Variants in BRCA1 observed in about 807,000 individuals in gnomAD.
BRCA1 encodes the protein BRCA1 DNA repair associated.
Under a neutral mutation model 173.7 loss-of-function variants are expected in BRCA1, and 140 were observed. The ratio of observed to expected loss-of-function variants is 0.81; its 90% confidence interval spans 0.70 to 0.93. BRCA1 has a LOEUF of 0.93. BRCA1 is among the 40% of genes least tolerant of loss of function. The pLI is 0.00. For synonymous variants in BRCA1, 662 were observed against 756.0 expected (o/e 0.88, Z 2.04); for missense variants, 1,983 against 2,172.5 (o/e 0.91, Z 1.73).
At chr17:43,073,135 C>G (rs2052530049) in intron 14 of BRCA1, among the ~76,000 whole-genome samples, 2 of 151,840 alleles carry the variant, frequency 1.3e-5, no homozygotes, top group South Asian at 4.2e-4. Context: ...AGTTAGAGAC[C>G]AGCCTCGGCA....
At chr17:43,170,002 C>G in intron 1 of BRCA1, 1 of 464,726 alleles carries the variant, frequency 2.2e-6, no homozygotes, top group South Asian at 1.6e-5. Flanking sequence ...TTGATCTTAT[C>G]CTCCGTAAAG....
At chr17:43,123,784 C>T (rs8176081) in intron 2 of BRCA1, among the ~76,000 whole-genome samples, 24 of 152,302 alleles carry the variant, frequency 1.6e-4, no homozygotes, top group South Asian at 8.3e-4. Context: ...CTGTCTTTCC[C>T]GGACCACAGG....
chr17:43,097,231 CTCTT>C lies in BRCA1; in HGVS notation c.593+9_593+12del, dbSNP rs753624573. ...AATACCAGCTTCATAGACAAAGGTT[CTCTT>C]TGACTCACCTGCAATAAGTTGCCTT... On this transcript the variant is annotated intron_variant, in intron 8 of 22. Transcript: ENST00000357654. 3.1e-6 allele frequency: 5 copies of C among 1,612,332 alleles called. No individual in the cohort carries two copies. In the African/African-American group the frequency reaches 5.3e-5, roughly 17 times the overall value.
chr17:43,122,580 GTC>G (rs1180651649), intron 2 of BRCA1, among the ~76,000 whole-genome samples: 2 of 152,112 alleles, frequency 1.3e-5, no homozygotes, highest in Admixed American at 1.3e-4. Context: ...AAATAGGGGT[GTC>G]TGGAAATGAA....
chr17:43,102,877 A>ACTC (rs1428571397), intron 6 of BRCA1, among the ~76,000 whole-genome samples: 1 of 150,574 alleles, frequency 6.6e-6, no homozygotes. Context: ...CTGGTCTTGA[A>ACTC]CTCCTGAGCT....
At chr17:43,122,735 C>T (rs1452014558) in intron 2 of BRCA1, among the ~76,000 whole-genome samples, 1 of 151,886 alleles carries the variant, frequency 6.6e-6, no homozygotes, top group Non-Finnish European at 1.5e-5. Context: ...ATAGCAAAAC[C>T]CTATCTCTAC....
chr17:43,097,172 G>T lies in BRCA1; in HGVS notation c.593+72C>A. The T allele has an allele frequency of 5.7e-6, 8 of 1,415,170 alleles. No individual in the cohort carries two copies. In the East Asian group the frequency reaches 6.8e-5, roughly 12 times the overall value. 87.7% of individuals were successfully genotyped at this position (1,415,170 alleles called of 1,614,324 possible). A position where few individuals can be genotyped will look rare whatever the true frequency, so the allele number is the denominator to read the frequency against. The stretch of plus-strand genomic sequence containing the variant: ...AAGTTAAAATATTTTTAAAAAGAGA[G>T]AAACATCAATCCTTAATATTAACTA... On this transcript the variant is annotated intron_variant, in intron 8 of 22. Coordinates refer to ENST00000357654, the MANE Select transcript of BRCA1 (RefSeq NM_007294.4).
chr17:43,145,183 G>C (rs1259766018), intron 1 of BRCA1: 2 of 709,146 alleles, frequency 2.8e-6, no homozygotes, highest in Admixed American at 1.8e-5. Flanking sequence ...TTTACCTGCA[G>C]AAAACAGGGG....
rs80357282 is a variant in BRCA1, at chr17:43,093,691, T to A, written c.1840A>T (p.Lys614Ter). The A allele has an allele frequency of 1.2e-6, 2 of 1,613,986 alleles. No homozygotes were observed. The highest frequency in any genetic ancestry group is 8.5e-7 in the Non-Finnish European group (1 of 1,180,002). Residue 614 changes from lysine (K) to a stop codon, truncating the protein, a stop_gained, in exon 10 of 23, where the codon AAG becomes TAG. Transcript: ENST00000357654. LOFTEE classifies it high-confidence loss of function. Reference protein sequence around the residue: ...KAPKKNRLRRKSSTRHIHALE... With the variant: ...KAPKKNRLRR Reference sequence around the variant, plus strand: ...GCATGAATATGCCTGGTAGAAGACTTCCTCCTCAGCCTATTCTTTTTAGGT... The same window carrying A: ...GCATGAATATGCCTGGTAGAAGACTACCTCCTCAGCCTATTCTTTTTAGGT...
At chr17:43,114,191 C>A (rs2055162387) in intron 3 of BRCA1, among the ~76,000 whole-genome samples, 1 of 152,130 alleles carries the variant, frequency 6.6e-6, no homozygotes, top group African/African-American at 2.4e-5. Flanking sequence ...CCTTGGCCTC[C>A]CAAAGTGCTG....
Position 43,093,477 on chromosome 17 carries a change from T to A in BRCA1, c.2054A>T (p.Asn685Ile), listed in dbSNP as rs2154401896. Residue 685 changes from asparagine (N) to isoleucine (I), a missense_variant, in exon 10 of 23, where the codon AAT becomes ATT. Coordinates refer to ENST00000357654, the MANE Select transcript of BRCA1 (RefSeq NM_007294.4). ...ATGAKKSNKPNEQTSKRHDSD... is the reference protein window; with the variant it reads ...ATGAKKSNKPIEQTSKRHDSD... ...GTCATGTCTTTTACTTGTCTGTTCA[T>A]TTGGCTTGTTACTCTTCTTGGCTCC... The A allele has an allele frequency of 6.2e-7, 1 of 1,614,130 alleles. No homozygotes were observed. The highest frequency in any genetic ancestry group is 8.5e-7 in the Non-Finnish European group (1 of 1,180,016).
At chr17:43,128,240 C>T (rs1251373760), upstream of BRCA1, among the ~76,000 whole-genome samples, 1 of 152,098 alleles carries the variant, frequency 6.6e-6, no homozygotes, top group Non-Finnish European at 1.5e-5. Context: ...GACCACGAAC[C>T]CACCAGGAGG....
rs1555601019 is a variant in BRCA1, at chr17:43,124,066, C to G, written c.31G>C (p.Val11Leu). MDLSALRVEE[V>L]QNVINAMQKI... is the part of the protein sequence containing the mutation. ...TGCATAGCATTAATGACATTTTGTA[C>G]TTCTTCAACGCGAAGAGCAGATAAA... The change falls in exon 2 of 23, where the codon GTA (valine) becomes CTA (leucine). Residue 11 changes from valine to leucine, a missense_variant. Transcript: ENST00000357654. 1.2e-6 allele frequency: 2 copies of G among 1,613,858 alleles called. No individual in the cohort carries two copies. Among genetic ancestry groups the G allele is most frequent in the Non-Finnish European group, 1.7e-6 (2 of 1,179,812 alleles).
chr17:43,112,043 C>T (rs965748932), intron 3 of BRCA1, among the ~76,000 whole-genome samples: 8 of 151,698 alleles, frequency 5.3e-5, no homozygotes, highest in African/African-American at 1.7e-4. Flanking sequence ...ATTGATATTA[C>T]AGAAGAGATT....
Position 43,047,161 on chromosome 17 carries a change from G to A in BRCA1, c.5467+482C>T, listed in dbSNP as rs8068463. ...GTCGCCCAGGCTGGAGTACAGTGGT[G>A]TGATCGTGGCTCACTGAAGCATCAA... is the stretch of plus-strand genomic sequence containing the variant. On this transcript the variant is annotated intron_variant, in intron 22 of 22. Coordinates refer to ENST00000357654, the MANE Select transcript of BRCA1 (RefSeq NM_007294.4). 0.024 allele frequency among the ~76,000 whole-genome samples: 3,615 copies of A among 152,098 alleles called. 157 individuals carry two copies. Among genetic ancestry groups the A allele is most frequent in the African/African-American group, 0.081 (3,358 of 41,482 alleles).
At chr17:43,070,275 TTACAGGGGTGGTA>T (rs1371885489) in intron 15 of BRCA1, among the ~76,000 whole-genome samples, 1 of 152,050 alleles carries the variant, frequency 6.6e-6, no homozygotes, top group African/African-American at 2.4e-5. Context: ...TGACAATTAA[TTACAGGGGTGGTA>T]AACTTCTCAG....
At chr17:43,117,399 G>A (rs1567818906) in intron 2 of BRCA1, among the ~76,000 whole-genome samples, 4 of 152,094 alleles carry the variant, frequency 2.6e-5, no homozygotes, top group African/African-American at 4.8e-5. Flanking sequence ...AGCCAATATC[G>A]TGCCACTGCA....
intron 1 of BRCA1, chr17:43,160,285 GA>G (rs1233031956): frequency 6.6e-6 from 1 of 151,934 alleles, no homozygotes; most frequent in Non-Finnish European, 1.5e-5. Context: ...CTCAGACACC[GA>G]GTTAAAGAAG....
At chr17:43,166,572 C>G (rs982828874) in intron 1 of BRCA1, 4 of 152,152 alleles carry the variant, frequency 2.6e-5, no homozygotes, top group African/African-American at 9.7e-5. Flanking sequence ...AACATAGTTC[C>G]TAGTGGGGTG....
Sources: allele counts gnomAD v4.1 joint callset (sites outside exome capture counted in the v4.1 genomes callset), GRCh38; gene constraint gnomAD v4.1.1; transcripts MANE v1.5; gene names NCBI Gene and HGNC (gene_info 2026-07-23, HGNC 2026-07-21).